Variants in CPM observed in about 807,000 individuals in gnomAD.
The protein encoded by CPM is renal carboxypeptidase.
Under a neutral mutation model 46.4 loss-of-function variants are expected in CPM, and 35 were observed. The ratio of observed to expected loss-of-function variants is 0.75; its 90% CI spans 0.58 to 1.00. The LOEUF (loss-of-function observed/expected upper bound fraction) is 1.00, where lower values mean the gene tolerates loss of function less well. Among genes scored for constraint, CPM ranks in the 50% least tolerant of loss-of-function variants. The pLI is 0.00. For missense variants in CPM, 422 were observed against 530.4 expected, an observed-to-expected ratio of 0.80 and a Z score of 2.01; for synonymous variants, 195 against 195.3, an observed-to-expected ratio of 1.00 and a Z score of 0.01.
At chr12:68,873,688 A>G (rs550278075) in intron 3 of CPM, among the ~76,000 whole-genome samples, 37 of 151,920 alleles carry the variant, frequency 2.4e-4, no homozygotes, top group African/African-American at 8.4e-4. Flanking sequence ...AAAAAAAAGA[A>G]AGAAAGAAAA....
intron 1 of CPM, chr12:68,957,443 T>G: frequency 3.7e-6 from 1 of 268,410 alleles, no homozygotes; most frequent in Non-Finnish European, 7.5e-6. Context: ...GAGCTCCCTG[T>G]CTTAAGAATG....
chr12:68,893,872 G>C (rs1280233207), intron 2 of CPM, among the ~76,000 whole-genome samples: 1 of 152,158 alleles, frequency 6.6e-6, no homozygotes, highest in African/African-American at 2.4e-5. Flanking sequence ...GTGGATCTGG[G>C]AACCATGTCC....
chr12:68,896,910 T>G (rs368253155), intron 2 of CPM, among the ~76,000 whole-genome samples: 1 of 150,570 alleles, frequency 6.6e-6, no homozygotes, highest in Admixed American at 6.6e-5. Context: ...ACGTTTTTAA[T>G]TGAAAAAAAA....
At chr12:68,866,166 T>TTTGCCCTTTGCAACACAGCCCAG (rs1885433649) in intron 7 of CPM, among the ~76,000 whole-genome samples, 1 of 152,210 alleles carries the variant, frequency 6.6e-6, no homozygotes, top group Non-Finnish European at 1.5e-5. Flanking sequence ...CAAAGTGGTA[T>TTTGCCCTTTGCAACACAGCCCAG]GTCCAGTGTT....
chr12:68,907,036 C>T (rs1268039903), intron 2 of CPM, among the ~76,000 whole-genome samples: 1 of 152,172 alleles, frequency 6.6e-6, no homozygotes, highest in Non-Finnish European at 1.5e-5. Context: ...CATTTTTGAC[C>T]CCATGGCTAA....
intron 2 of CPM, among the ~76,000 whole-genome samples, chr12:68,907,785 A>T (rs1887414718): frequency 6.6e-6 from 1 of 152,180 alleles, no homozygotes; most frequent in Admixed American, 6.6e-5. Context: ...GCTAGCCAGA[A>T]TGAAAATTCA....
rs137932882 is a variant in CPM at position 68,920,675 on chromosome 12, T to TTTTTTC, written c.160+11997_160+12002dup. On this transcript the variant is annotated intron_variant, in intron 2 of 8. Coordinates refer to ENST00000551568, the MANE Select transcript of CPM (RefSeq NM_198320.5). ...GGTTTCATATCTCTGCTTAAGCTTT[T>TTTTTTC]TTTTTCTTTTTCTTTTTCTTTTTCT... Among the ~76,000 whole-genome samples the TTTTTTC allele has an allele frequency of 2.1e-5, 3 of 143,986 alleles. No homozygotes were observed. The South Asian group carries it at 6.4e-4, about 31-fold the overall frequency. 94.5% of individuals were successfully genotyped at this position (143,986 alleles called of 152,430 possible).
chr12:68,951,709 A>G (rs1233628195), intron 1 of CPM, among the ~76,000 whole-genome samples: 2 of 152,182 alleles, frequency 1.3e-5, no homozygotes, highest in East Asian at 3.8e-4. Flanking sequence ...GGGAGGAGGC[A>G]TGGAAACTGG....
chr12:68,914,972 G>A (rs986893807), intron 2 of CPM, among the ~76,000 whole-genome samples: 6 of 152,076 alleles, frequency 3.9e-5, no homozygotes, highest in African/African-American at 1.2e-4. Flanking sequence ...AAAATAATAT[G>A]GATAAGTAGC....
chr12:68,896,015 C>T (rs2136271416), intron 2 of CPM, among the ~76,000 whole-genome samples: 1 of 152,328 alleles, frequency 6.6e-6, no homozygotes, highest in South Asian at 2.1e-4. Flanking sequence ...CCTCAGCATG[C>T]ACACCAGACC....
At chr12:68,900,993 A>G (rs1463552524) in intron 2 of CPM, among the ~76,000 whole-genome samples, 1 of 152,200 alleles carries the variant, frequency 6.6e-6, no homozygotes, top group Non-Finnish European at 1.5e-5. Context: ...TATTAGTTGT[A>G]ACAAATGTAC....
At chr12:68,897,271 G>GT (rs375358533) in intron 2 of CPM, among the ~76,000 whole-genome samples, 1,549 of 136,458 alleles carry the variant, frequency 0.011, 15 homozygotes, top group African/African-American at 0.023. Flanking sequence ...TCCCCTTTAG[G>GT]TTTTTTTTTT....
intron 1 of CPM, among the ~76,000 whole-genome samples, chr12:68,942,371 A>T (rs1888778833): frequency 6.6e-6 from 1 of 152,332 alleles, no homozygotes; most frequent in Admixed American, 6.5e-5. Context: ...CAAAGAAAGA[A>T]AAGGACTAAA....
intron 1 of CPM, among the ~76,000 whole-genome samples, chr12:68,940,729 C>G (rs1328191423): frequency 1.3e-5 from 2 of 151,810 alleles, no homozygotes; most frequent in South Asian, 2.1e-4. Context: ...AATGAAACAA[C>G]AAGAAGAGAA....
chr12:68,883,821 G>A (rs1443177857), intron 3 of CPM, among the ~76,000 whole-genome samples: 2 of 151,860 alleles, frequency 1.3e-5, no homozygotes, highest in South Asian at 2.1e-4. Context: ...TGAGTCAGGC[G>A]CGGTGGCTCA....
Position 68,952,793 on chromosome 12 carries a change from G to A in CPM, c.-4+10376C>T, listed in dbSNP as rs191058904. Among the ~76,000 whole-genome samples the A allele has an allele frequency of 2.1e-4, 32 of 152,330 alleles. No homozygotes were observed. The East Asian group carries it at 6.0e-3, about 28-fold the overall frequency. On this transcript the variant is annotated intron_variant, in intron 1 of 8. Coordinates refer to the CPM transcript ENST00000546373. The stretch of plus-strand genomic sequence containing the variant: ...CATGATTCCATGGAGGTTTCATTTT[G>A]TTGATTGGTTCTGCAGATGTCTTTG...
intron 8 of CPM, among the ~76,000 whole-genome samples, chr12:68,857,404 C>T (rs1046718707): frequency 6.6e-6 from 1 of 152,058 alleles, no homozygotes; most frequent in Non-Finnish European, 1.5e-5. Context: ...TCAAGTGATC[C>T]ACCTGCCTCT....
chr12:68,933,336 C>T (rs1261632127), upstream of CPM: 1 of 151,934 alleles, frequency 6.6e-6, no homozygotes, highest in Admixed American at 6.6e-5. Flanking sequence ...GCGCGGTGCG[C>T]CCTTTCGTGG....
At chr12:68,931,637 C>T (rs911334341) in intron 2 of CPM, among the ~76,000 whole-genome samples, 3 of 148,106 alleles carry the variant, frequency 2.0e-5, no homozygotes, top group South Asian at 2.1e-4. Flanking sequence ...CCCAGCTACT[C>T]GGGAGACTGA....
Sources: gnomAD v4.1 joint callset for allele counts (sites outside exome capture counted in the v4.1 genomes callset) on GRCh38, gnomAD v4.1.1 for gene constraint, MANE v1.5 for transcripts, NCBI Gene and HGNC (gene_info 2026-07-23, HGNC 2026-07-21) for gene names.